CTNNA1: variants seen among roughly 807,000 people sequenced by gnomAD.
The protein encoded by CTNNA1 is catenin alpha-1.
In CTNNA1, 37 loss-of-function variants were observed where a neutral mutation model predicts 98.4. That is an observed-to-expected ratio of 0.38 (90% CI 0.29 to 0.49). The LOEUF (loss-of-function observed/expected upper bound fraction) is 0.49. Among genes scored for constraint, CTNNA1 ranks in the 20% least tolerant of loss-of-function variants. The pLI, the probability that CTNNA1 is intolerant of heterozygous loss-of-function variation, is 0.95. For missense variants in CTNNA1, 761 were observed against 1,147.2 expected, an observed-to-expected ratio of 0.66 and a Z score of 4.86; for synonymous variants, 404 against 413.2, an observed-to-expected ratio of 0.98 and a Z score of 0.27.
intron 11 of CTNNA1, among the ~76,000 whole-genome samples, 154 bp from the exon 12 acceptor site, chr5:138,924,356 G>A (rs572324041): frequency 2.5e-4 from 37 of 150,394 alleles, no homozygotes; most frequent in Non-Finnish European, 4.6e-4. Context: ...TTCTGTCTCT[G>A]TCACTAGTCA....
At position 138,824,608 on chromosome 5, in the gene CTNNA1, A is replaced by G. The variant is rs1251595713; in HGVS notation, c.667A>G (p.Thr223Ala). 1.7e-5 allele frequency: 28 copies of G among 1,614,232 alleles called. No homozygotes were observed. The highest frequency in any genetic ancestry group is 2.4e-5 in the Non-Finnish European group (28 of 1,180,040). Residue 223 changes from threonine (T) to alanine (A), a missense_variant, in exon 6 of 18, where the codon ACT becomes GCT. Physicochemically the swap from Thr to Ala is moderately conservative, Grantham distance 58. This residue lies in a region of CTNNA1 where 328 missense variants were observed against 354.3 expected (regional missense o/e 0.93). Transcript: ENST00000302763. ...ILQKNVPILY[T>A]ASQACLQHPD... Reference sequence around the variant, plus strand: ...GCAGAAGAACGTTCCGATCCTCTATACTGCATCCCAGGCATGCCTACAGCA... The same window carrying G: ...GCAGAAGAACGTTCCGATCCTCTATGCTGCATCCCAGGCATGCCTACAGCA...
At chr5:138,805,042 A>T (rs1339159766) in intron 3 of CTNNA1, among the ~76,000 whole-genome samples, 1 of 152,148 alleles carries the variant, frequency 6.6e-6, no homozygotes, top group African/African-American at 2.4e-5. Context: ...TAGGCATCTA[A>T]CATGGTGGGG....
At chr5:138,820,867 G>A (rs76403295) in intron 5 of CTNNA1, among the ~76,000 whole-genome samples, 2,041 of 152,142 alleles carry the variant, frequency 0.013, 30 homozygotes, top group African/African-American at 0.041. Flanking sequence ...ATAACTGGTC[G>A]CATATTAATT....
rs545994986 is a variant in CTNNA1, at chr5:138,873,656, G to T, written c.1063-12556G>T. The T allele has an allele frequency of 1.4e-5, 23 of 1,614,038 alleles. No homozygotes were observed. The Admixed American group carries it at 2.8e-4, about 20-fold the overall frequency. On this transcript the variant is annotated intron_variant, in intron 7 of 17. Transcript: ENST00000302763. The surrounding 1 kb of genome is among the most constrained non-coding windows in gnomAD (Gnocchi z 6.1). ...GCCAGAGAGACCAACGGTTGTGAGG[G>T]ATCTCAGGGAGTTTAAGATCTTGGA...
At chr5:138,817,209 A>G (rs1331275722) in intron 5 of CTNNA1, among the ~76,000 whole-genome samples, 1 of 152,214 alleles carries the variant, frequency 6.6e-6, no homozygotes, top group Non-Finnish European at 1.5e-5. Context: ...CTGTTTGAAT[A>G]TAACATTCCA....
chr5:138,895,396 G>A (rs1756555462), intron 9 of CTNNA1, among the ~76,000 whole-genome samples: 1 of 152,150 alleles, frequency 6.6e-6, no homozygotes, highest in Non-Finnish European at 1.5e-5. Flanking sequence ...TATACCCAGT[G>A]TGCACAAGGG....
intron 10 of CTNNA1, among the ~76,000 whole-genome samples, chr5:138,908,456 C>G (rs952198348): frequency 6.6e-6 from 1 of 152,064 alleles, no homozygotes; most frequent in Non-Finnish European, 1.5e-5. Context: ...TCATTTGAAG[C>G]CAGTATTTCA....
intron 1 of CTNNA1, among the ~76,000 whole-genome samples, chr5:138,771,249 C>A (rs1248979612): frequency 1.3e-5 from 2 of 151,218 alleles, no homozygotes; most frequent in Non-Finnish European, 2.9e-5. Flanking sequence ...TTGATGAGTG[C>A]CTTTTGTTGT....
chr5:138,917,738 G>T lies in CTNNA1; in HGVS notation c.1390-4G>T, dbSNP rs1335516413. On this transcript the variant is annotated splice_polypyrimidine_tract_variant and splice_region_variant and intron_variant, in intron 10 of 17. Transcript: ENST00000302763. ...TAAACAGTGAAGTTTAATATCTTTT[G>T]CAGGTTATTAATGCTGCACTGGCTT... 3 of 1,613,446 alleles carry T rather than the reference G, an allele frequency of 1.9e-6. No homozygotes were observed. The highest frequency in any genetic ancestry group is 1.7e-5 in the Admixed American group (1 of 59,946).
At chr5:138,789,711 C>T (rs1756143042) in intron 3 of CTNNA1, among the ~76,000 whole-genome samples, 1 of 152,178 alleles carries the variant, frequency 6.6e-6, no homozygotes, top group Admixed American at 6.5e-5. Context: ...CCACCTCGGC[C>T]TCCTAAAGTG....
chr5:138,885,846 G>C (rs1753913453), intron 7 of CTNNA1, among the ~76,000 whole-genome samples: 1 of 152,152 alleles, frequency 6.6e-6, no homozygotes, highest in African/African-American at 2.4e-5. Context: ...GGTGTACCCT[G>C]TTCTTGCTGC....
At chr5:138,822,855 G>A (rs1354910946) in intron 5 of CTNNA1, among the ~76,000 whole-genome samples, 1 of 152,174 alleles carries the variant, frequency 6.6e-6, no homozygotes, top group Non-Finnish European at 1.5e-5. Context: ...TATATACTGA[G>A]ATGAAGTTTC....
chr5:138,880,936 GAAA>G, intron 7 of CTNNA1: 1 of 364,006 alleles, frequency 2.7e-6, no homozygotes. Context: ...ATATGGCAAG[GAAA>G]AAAAAAAACA....
At chr5:138,825,690 CACTTT>C (rs371629242) in intron 6 of CTNNA1, among the ~76,000 whole-genome samples, 4 of 151,598 alleles carry the variant, frequency 2.6e-5, no homozygotes, top group African/African-American at 9.7e-5. Flanking sequence ...TTTCTTTTGC[CACTTT>C]ACTTTCGCTT....
At chr5:138,825,231 A>C (rs903183309) in intron 6 of CTNNA1, among the ~76,000 whole-genome samples, 1 of 152,178 alleles carries the variant, frequency 6.6e-6, no homozygotes, top group Non-Finnish European at 1.5e-5. Flanking sequence ...CCATCATTCT[A>C]ATCTTTCTTG....
At chr5:138,820,332 A>G (rs1759906102) in intron 5 of CTNNA1, among the ~76,000 whole-genome samples, 1 of 151,878 alleles carries the variant, frequency 6.6e-6, no homozygotes, top group Non-Finnish European at 1.5e-5. Flanking sequence ...CCATGGTTCC[A>G]TTTCCAAGAT....
intron 9 of CTNNA1, among the ~76,000 whole-genome samples, chr5:138,898,399 CAGT>C (rs552575349): frequency 6.3e-4 from 96 of 152,250 alleles, no homozygotes; most frequent in African/African-American, 2.2e-3. Context: ...GTTTCCTCAT[CAGT>C]AGAGCTGATG....
At chr5:138,921,596 A>ATTTTTTTTTTTTTTTTT (rs386405098) in intron 11 of CTNNA1, among the ~76,000 whole-genome samples, 1 of 104,040 alleles carries the variant, frequency 9.6e-6, no homozygotes, top group Non-Finnish European at 1.8e-5. Context: ...ATTAGTGGTG[A>ATTTTTTTTTTTTTTTTT]TTTTTTTTTT....
intron 1 of CTNNA1, among the ~76,000 whole-genome samples, chr5:138,778,151 G>A (rs1295005166): frequency 4.0e-5 from 4 of 99,570 alleles, no homozygotes; most frequent in Admixed American, 3.5e-4. Flanking sequence ...CCGCCACCAC[G>A]CCCGGCTAAT....
Sources: gnomAD v4.1 joint callset for allele counts (sites outside exome capture counted in the v4.1 genomes callset) on GRCh38, gnomAD v4.1.1 for gene constraint, gnomAD v4.1.1 regional missense constraint, Gnocchi (gnomAD v3.1) non-coding constraint, MANE v1.5 for transcripts, NCBI Gene and HGNC (gene_info 2026-07-23, HGNC 2026-07-21) for gene names.